GRK1: variants seen among roughly 807,000 people sequenced by gnomAD.
GRK1 encodes the protein rhodopsin kinase GRK1.
Under a neutral mutation model 41.7 loss-of-function variants are expected in GRK1, and 28 were observed. That is an observed-to-expected ratio of 0.67 (90% confidence interval 0.50 to 0.92). The LOEUF (loss-of-function observed/expected upper bound fraction) is 0.92. GRK1 is among the 40% of genes least tolerant of loss of function. The pLI is 0.00. For missense variants in GRK1, 703 were observed against 671.2 expected (o/e 1.05, Z -0.52); for synonymous variants, 327 against 286.7 (o/e 1.14, Z -1.42).
chr13:113,734,966 C>A, intron 6 of GRK1, 102 bp from the exon 7 acceptor site: 1 of 1,164,114 alleles, frequency 8.6e-7, no homozygotes, highest in Non-Finnish European at 1.2e-6. Flanking sequence ...CGGCCCCAGG[C>A]CTTTGTGCAT....
chr13:113,731,317 G>GAAGGTA lies in GRK1; in HGVS notation c.1168_1169insAAGGTA (p.Gly390delinsGluGlyArg), dbSNP rs1170879810. On this transcript the variant is annotated protein_altering_variant, in exon 5 of 7. Coordinates refer to ENST00000335678, the MANE Select transcript of GRK1 (RefSeq NM_002929.3). The surrounding 1 kb of genome is among the most constrained non-coding windows in gnomAD (Gnocchi z 5.6). ...CCTGTATGAGATGATTGCGGCCAGA[G>GAAGGTA]GACCCTTCCGAGCCCGTGGAGAGAA... 1 of 1,536,912 alleles carries GAAGGTA rather than the reference G, an allele frequency of 6.5e-7. No homozygotes were observed. The highest frequency in any genetic ancestry group is 8.7e-7 in the Non-Finnish European group (1 of 1,146,872).
At position 113,733,959 on chromosome 13, in the gene GRK1, C is replaced by T. The variant is rs1176066294; in HGVS notation, c.1396+874C>T. 1.3e-4 allele frequency among the ~76,000 whole-genome samples: 14 copies of T among 104,580 alleles called. 1 individual carries two copies. The highest frequency in any genetic ancestry group is 2.0e-4 in the Non-Finnish European group (10 of 50,788). 68.6% of individuals were successfully genotyped at this position (104,580 alleles called of 152,430 possible). ...ATACGTGTGTGCGTGTGTGTGCATA[C>T]GTGTGTGTGCGTGTGTGCGCATGTG... On this transcript the variant is annotated intron_variant, in intron 6 of 6. Transcript: ENST00000335678.
chr13:113,668,334 C>A lies in GRK1; in HGVS notation c.699+249C>A, dbSNP rs558330476. 4.6e-5 allele frequency among the ~76,000 whole-genome samples: 7 copies of A among 152,310 alleles called. No individual in the cohort carries two copies. The East Asian group carries it at 1.2e-3, about 25-fold the overall frequency. On this transcript the variant is annotated intron_variant, in intron 1 of 6. Coordinates refer to ENST00000335678, the MANE Select transcript of GRK1 (RefSeq NM_002929.3). Reference sequence around the variant, plus strand: ...TTTTTGGGTGGGGACGTGCCACGTTCACTCGTCGGTTTTTCACCAACCACA... The same window carrying A: ...TTTTTGGGTGGGGACGTGCCACGTTAACTCGTCGGTTTTTCACCAACCACA...
the GRK1 span, chr13:113,653,265 G>A: frequency 1.6e-5 from 24 of 1,481,778 alleles, no homozygotes; most frequent in African/African-American, 1.1e-4. Flanking sequence ...CCCACCCGCC[G>A]CTTCACACCT....
At chr13:113,728,378 C>T (rs1172292650) in intron 4 of GRK1, among the ~76,000 whole-genome samples, 7 of 114,524 alleles carry the variant, frequency 6.1e-5, no homozygotes, top group South Asian at 2.9e-4. Flanking sequence ...GTACCCATGG[C>T]GAGGAGTACC....
upstream of GRK1, among the ~76,000 whole-genome samples, chr13:113,665,988 G>T (rs1456580936): frequency 3.6e-5 from 5 of 138,528 alleles, no homozygotes; most frequent in Non-Finnish European, 4.6e-5. Flanking sequence ...GTGCATCCCA[G>T]GTGTGTCCCA....
rs1566699591 is a variant in GRK1, at chr13:113,733,670, CACGTGT to C, written c.1396+586_1396+591del. On this transcript the variant is annotated intron_variant, in intron 6 of 6. Coordinates refer to ENST00000335678, the MANE Select transcript of GRK1 (RefSeq NM_002929.3). ...GTGCATACGTGTGTGTGCGTGTGTG[CACGTGT>C]GTGCATGTATGTGTGCATACATGTG... is the stretch of plus-strand genomic sequence containing the variant. Among the ~76,000 whole-genome samples, 134 of 54,720 alleles carry C rather than the reference CACGTGT, an allele frequency of 2.4e-3. 1 individual carries two copies. Among genetic ancestry groups the C allele is most frequent in the Middle Eastern group, 0.016 (1 of 62 alleles). 35.9% of individuals were successfully genotyped at this position (54,720 alleles called of 152,430 possible).
chr13:113,667,489 T>C lies in GRK1; in HGVS notation c.103T>C (p.Tyr35His), dbSNP rs759437719. 2 of 1,612,154 alleles carry C rather than the reference T, an allele frequency of 1.2e-6. No homozygotes were observed. The highest frequency in any genetic ancestry group is 2.2e-5 in the East Asian group (1 of 44,830). The change falls in exon 1 of 7, where the codon TAC becomes CAC. Residue 35 changes from tyrosine (Y) to histidine (H), a missense_variant. Tyr to His is a moderately conservative substitution (Grantham distance 83). Transcript: ENST00000335678. This position sits in a 1 kb window ranked among gnomAD's most constrained non-coding sequence, Gnocchi z 7.5. The part of the protein sequence containing the change: ...SSSQPSRDKK[Y>H]LAKLKLPPLS... Reference sequence around the variant, plus strand: ...CTCCCAACCCTCCCGGGACAAGAAGTACCTGGCCAAGCTCAAGCTGCCCCC... The same window carrying C: ...CTCCCAACCCTCCCGGGACAAGAAGCACCTGGCCAAGCTCAAGCTGCCCCC...
chr13:113,727,166 A>G (rs1474111524), intron 4 of GRK1, among the ~76,000 whole-genome samples: 1 of 152,266 alleles, frequency 6.6e-6, no homozygotes, highest in Non-Finnish European at 1.5e-5. Flanking sequence ...CTCGGGGGCC[A>G]GGCAGGTGTC....
Position 113,731,148 on chromosome 13 carries a change from C to G in GRK1, c.1070-71C>G. ...GGGATGCATCCCCAGAGCATCAGTC[C>G]TGCGATTCCTGGAGTGCGTGCCCAC... On this transcript the variant is annotated intron_variant, in intron 4 of 6. Transcript: ENST00000335678. The surrounding 1 kb of genome is among the most constrained non-coding windows in gnomAD (Gnocchi z 5.6). 1 of 1,505,536 alleles carries G rather than the reference C, an allele frequency of 6.6e-7. No homozygotes were observed. Among genetic ancestry groups the G allele is most frequent in the African/African-American group, 1.4e-5 (1 of 72,602 alleles). The allele number at this position is 1,505,536 out of a possible 1,614,324, so 93.3% of individuals were successfully genotyped here. A position where few individuals can be genotyped will look rare whatever the true frequency, so the allele number is the denominator to read the frequency against.
Position 113,735,403 on chromosome 13 carries a change from C to T in GRK1, c.*40C>T, listed in dbSNP as rs139540522. 387 of 1,440,752 alleles carry T rather than the reference C, an allele frequency of 2.7e-4. 1 individual carries two copies. The South Asian group carries it at 3.2e-3, about 12-fold the overall frequency. 89.2% of individuals were successfully genotyped at this position (1,440,752 alleles called of 1,614,324 possible). A position where few individuals can be genotyped will look rare whatever the true frequency, so the allele number is the denominator to read the frequency against. On this transcript the variant is annotated 3_prime_UTR_variant, in exon 7 of 7. Transcript: ENST00000335678. ...TCCACGTGGAGGAAAAGGACCCATA[C>T]GGCTCGATGGGGGCCGCCTGCCTCC...
At chr13:113,655,050 G>T in the GRK1 span, 1 of 1,428,846 alleles carries the variant, frequency 7.0e-7, no homozygotes, top group South Asian at 1.4e-5. Context: ...TCCCTACCTA[G>T]TTCCAGAACA....
the GRK1 span, chr13:113,658,130 C>T: frequency 1.2e-6 from 2 of 1,612,788 alleles, no homozygotes; most frequent in Non-Finnish European, 1.7e-6. Flanking sequence ...TCTTCTTCTC[C>T]TGCAGAGCCG....
At chr13:113,658,748 C>T in the GRK1 span, among the ~76,000 whole-genome samples, 1 of 152,190 alleles carries the variant, frequency 6.6e-6, no homozygotes, top group Non-Finnish European at 1.5e-5. Flanking sequence ...CCCAGATTCA[C>T]CCAGAGCAGC....
chr13:113,649,235 G>T, the GRK1 span: 1 of 1,023,258 alleles, frequency 9.8e-7, no homozygotes, highest in Non-Finnish European at 1.4e-6. This position sits in a 1 kb window ranked among gnomAD's most constrained non-coding sequence, Gnocchi z 4.7. Flanking sequence ...CTTCTCTGGA[G>T]TTCGCACACT....
the GRK1 span, chr13:113,649,592 G>T: frequency 6.9e-7 from 1 of 1,443,568 alleles, no homozygotes; most frequent in Middle Eastern, 2.1e-4. This position sits in a 1 kb window ranked among gnomAD's most constrained non-coding sequence, Gnocchi z 4.7. Flanking sequence ...GTTAAGGAGA[G>T]AAAACTAAGC....
Position 113,731,298 on chromosome 13 carries a change from T to C in GRK1, c.1149T>C (p.Tyr383=). The C allele has an allele frequency of 1.3e-6, 2 of 1,532,916 alleles. No homozygotes were observed. Among genetic ancestry groups the C allele is most frequent in the Non-Finnish European group, 1.7e-6 (2 of 1,143,580 alleles). 95.0% of individuals were successfully genotyped at this position (1,532,916 alleles called of 1,614,324 possible). Reference sequence around the variant, plus strand: ...ACTTTGCCCTGGGGGTCACCCTGTATGAGATGATTGCGGCCAGAGGACCCT... The same window carrying C: ...ACTTTGCCCTGGGGGTCACCCTGTACGAGATGATTGCGGCCAGAGGACCCT... ...VDYFALGVTL[Y]EMIAARGPFR... The change falls in exon 5 of 7, where the codon TAT becomes TAC. Residue 383 remains tyrosine, a synonymous_variant. Coordinates refer to ENST00000335678, the MANE Select transcript of GRK1 (RefSeq NM_002929.3). This position sits in a 1 kb window ranked among gnomAD's most constrained non-coding sequence, Gnocchi z 5.6.
At chr13:113,670,083 T>G (rs1311101144) in intron 2 of GRK1, among the ~76,000 whole-genome samples, 2 of 152,066 alleles carry the variant, frequency 1.3e-5, no homozygotes, top group Non-Finnish European at 2.9e-5. Flanking sequence ...GGGAGGCACG[T>G]GGTGCTGTGG....
At chr13:113,664,243 G>A (rs116500509), upstream of GRK1, among the ~76,000 whole-genome samples, 1 of 152,292 alleles carries the variant, frequency 6.6e-6, no homozygotes, top group African/African-American at 2.4e-5. This position sits in a 1 kb window ranked among gnomAD's most constrained non-coding sequence, Gnocchi z 5.4. Context: ...CGGTGCATCT[G>A]TGAGCAGCAC....
Sources: allele counts gnomAD v4.1 joint callset (sites outside exome capture counted in the v4.1 genomes callset), GRCh38; gene constraint gnomAD v4.1.1; non-coding constraint Gnocchi (gnomAD v3.1); transcripts MANE v1.5; gene names NCBI Gene and HGNC (gene_info 2026-07-23, HGNC 2026-07-21).